ZMYM2: variants seen among roughly 807,000 people sequenced by gnomAD.
ZMYM2 encodes zinc finger MYM-type protein 2.
Under a neutral mutation model 162.8 loss-of-function variants are expected in ZMYM2, and 56 were observed. The ratio of observed to expected loss-of-function variants is 0.34; its 90% confidence interval spans 0.28 to 0.43. The LOEUF (loss-of-function observed/expected upper bound fraction) is 0.43. Among genes scored for constraint, ZMYM2 ranks in the 20% least tolerant of loss-of-function variants. The probability of loss-of-function intolerance (pLI) is 1.00; values close to 1 mark genes in which losing one functional copy is unlikely to be tolerated. For synonymous variants in ZMYM2, 510 were observed against 541.6 expected, an observed-to-expected ratio of 0.94 and a Z score of 0.81; for missense variants, 1,275 against 1,621.8, an observed-to-expected ratio of 0.79 and a Z score of 3.67.
chr13:19,964,678 CAAGGATTAGGTT>C (rs1381031470), intron 2 of ZMYM2, among the ~76,000 whole-genome samples: 1 of 151,636 alleles, frequency 6.6e-6, no homozygotes, highest in Non-Finnish European at 1.5e-5. Context: ...AGTAGGCTGC[CAAGGATTAGGTT>C]TTTCTCTCTT....
the ZMYM2 span, among the ~76,000 whole-genome samples, chr13:19,880,426 C>A: frequency 7.5e-4 from 113 of 151,614 alleles, 1 homozygote; most frequent in Non-Finnish European, 1.2e-3. Flanking sequence ...TTTCTTGTAA[C>A]TGAATTTTTT....
chr13:20,006,231 T>TAAA, intron 5 of ZMYM2, 143 bp from the exon 6 acceptor site: 5 of 741,958 alleles, frequency 6.7e-6, no homozygotes, highest in South Asian at 2.2e-5. Flanking sequence ...GACCCTGTCT[T>TAAA]TAAAAAAAAA....
Position 20,019,389 on chromosome 13 carries a change from A to T in ZMYM2, c.1513-158A>T, listed in dbSNP as rs115313062. 2.8e-3 allele frequency among the ~76,000 whole-genome samples: 426 copies of T among 152,316 alleles called. 1 individual carries two copies. Among genetic ancestry groups the T allele is most frequent in the African/African-American group, 9.8e-3 (406 of 41,566 alleles). ...ATAATTCTTTAAGTTGGGCAACAGT[A>T]GTGGGGACAGGACAGGCAGACATTT... On this transcript the variant is annotated intron_variant, in intron 6 of 24. Coordinates refer to ENST00000610343, the MANE Select transcript of ZMYM2 (RefSeq NM_197968.4).
intron 12 of ZMYM2, 124 bp from the exon 13 acceptor site, chr13:20,051,309 T>C (rs1357625756): frequency 1.1e-5 from 10 of 901,350 alleles, no homozygotes; most frequent in African/African-American, 3.4e-5. Flanking sequence ...AAATGATTTA[T>C]ATTATAGTTC....
At chr13:19,905,160 C>T in the ZMYM2 span, among the ~76,000 whole-genome samples, 1 of 151,970 alleles carries the variant, frequency 6.6e-6, no homozygotes, top group East Asian at 1.9e-4. Flanking sequence ...TACAGTCATG[C>T]ACCACCACGC....
rs746335184 is a variant in ZMYM2, at chr13:20,064,488, A to G, written c.3075A>G (p.Leu1025=). ...EELDMENEFL[L]PPVFGEEYEE... ...TTGATATGGAAAATGAATTTTTATT[A>G]CCACCTGTTTTTGGCGAAGAATATG... The change falls in exon 19 of 25, where the codon TTA becomes TTG. Residue 1025 remains leucine (L), a synonymous_variant. Transcript: ENST00000610343. 3 of 1,601,520 alleles carry G rather than the reference A, an allele frequency of 1.9e-6. No homozygotes were observed. Among genetic ancestry groups the G allele is most frequent in the East Asian group, 2.2e-5 (1 of 44,616 alleles).
At chr13:20,055,146 G>GT (rs1229929343) in intron 14 of ZMYM2, among the ~76,000 whole-genome samples, 1 of 152,128 alleles carries the variant, frequency 6.6e-6, no homozygotes, top group Admixed American at 6.5e-5. Context: ...AGGAGTAGGG[G>GT]TAGGGGCATT....
intron 6 of ZMYM2, among the ~76,000 whole-genome samples, chr13:20,009,388 A>G (rs931561645): frequency 2.6e-5 from 4 of 152,220 alleles, no homozygotes; most frequent in African/African-American, 9.6e-5. Flanking sequence ...AAAGTAACTC[A>G]TAAGGTTTTT....
intron 18 of ZMYM2, among the ~76,000 whole-genome samples, chr13:20,063,862 A>ATTACATAC (rs1242648171): frequency 6.9e-6 from 1 of 144,992 alleles, no homozygotes; most frequent in East Asian, 2.0e-4. Flanking sequence ...TGATGTATAT[A>ATTACATAC]ATATATAAAT....
the ZMYM2 span, among the ~76,000 whole-genome samples, chr13:19,923,557 C>T: frequency 6.7e-6 from 1 of 149,550 alleles, no homozygotes; most frequent in African/African-American, 2.5e-5. Flanking sequence ...CGGGGTTTCC[C>T]TATATCACCC....
the ZMYM2 span, among the ~76,000 whole-genome samples, chr13:19,897,395 G>C: frequency 9.9e-5 from 15 of 152,160 alleles, 1 homozygote; most frequent in African/African-American, 3.6e-4. Flanking sequence ...CTGATTACAG[G>C]AGACTCACTT....
At chr13:19,984,951 GT>G (rs1331038298) in intron 2 of ZMYM2, among the ~76,000 whole-genome samples, 6 of 152,170 alleles carry the variant, frequency 3.9e-5, no homozygotes, top group Non-Finnish European at 7.3e-5. Flanking sequence ...GTTTTCTTCT[GT>G]TTTAAGTATG....
the ZMYM2 span, among the ~76,000 whole-genome samples, chr13:19,881,420 G>A: frequency 1.3e-5 from 2 of 151,642 alleles, no homozygotes; most frequent in African/African-American, 4.8e-5. Context: ...TCAGGAGTTT[G>A]AGAACAGCCT....
At chr13:19,875,971 C>G in the ZMYM2 span, among the ~76,000 whole-genome samples, 1 of 151,972 alleles carries the variant, frequency 6.6e-6, no homozygotes, top group Non-Finnish European at 1.5e-5. Context: ...CATGTACCCA[C>G]TGAATCTGAA....
At chr13:19,959,576 C>T (rs1167738590) in intron 1 of ZMYM2, among the ~76,000 whole-genome samples, 14 of 152,116 alleles carry the variant, frequency 9.2e-5, no homozygotes, top group Admixed American at 8.5e-4. Flanking sequence ...CGTGAGCCGC[C>T]CCTTACCTCT....
chr13:20,026,524 A>C, intron 7 of ZMYM2, 88 bp from the exon 8 acceptor site: 1 of 1,336,168 alleles, frequency 7.5e-7, no homozygotes, highest in Non-Finnish European at 1.0e-6. Context: ...ATTGTTTTGC[A>C]GAGGCAAAAA....
rs576705418 is a variant in ZMYM2 at position 19,986,544 on chromosome 13, A to G, written c.-10-6519A>G. 2.6e-5 allele frequency among the ~76,000 whole-genome samples: 4 copies of G among 152,336 alleles called. No homozygotes were observed. In the South Asian group the frequency reaches 6.2e-4, roughly 24 times the overall value. On this transcript the variant is annotated intron_variant, in intron 2 of 24. Coordinates refer to ENST00000610343, the MANE Select transcript of ZMYM2 (RefSeq NM_197968.4). ...AGATATACTAAGGAGAAAGTTTCAG[A>G]TAAGTCCTTTAGTTACTTTTAAATA...
chr13:20,052,911 C>A (rs1433926471), intron 14 of ZMYM2, among the ~76,000 whole-genome samples: 2 of 152,156 alleles, frequency 1.3e-5, no homozygotes, highest in Admixed American at 1.3e-4. Context: ...AAGTAGAGAT[C>A]TGAAGATATA....
At chr13:19,928,310 T>C in the ZMYM2 span, among the ~76,000 whole-genome samples, 1 of 152,204 alleles carries the variant, frequency 6.6e-6, no homozygotes, top group Admixed American at 6.5e-5. Context: ...ACCTGCCTTT[T>C]TTTTATTGAT....
Sources: gnomAD v4.1 joint callset for allele counts (sites outside exome capture counted in the v4.1 genomes callset) on GRCh38, gnomAD v4.1.1 for gene constraint, MANE v1.5 for transcripts, NCBI Gene and HGNC (gene_info 2026-07-23, HGNC 2026-07-21) for gene names.